Variants in ZNF497 observed in about 807,000 individuals in gnomAD.
ZNF497 encodes zinc finger-like protein.
For synonymous variants in ZNF497, 422 were observed against 313.7 expected (o/e 1.35, Z -3.65); for missense variants, 930 against 714.0 (o/e 1.30, Z -3.45).
At position 58,356,824 on chromosome 19, in the gene ZNF497, G is replaced by T; in HGVS notation, c.812C>A (p.Ala271Glu). Residue 271 changes from alanine (A) to glutamate (E), a missense_variant, in exon 3 of 3, where the codon GCA becomes GAA. By Grantham distance (107) the Ala-to-Glu change is moderately radical (BLOSUM62 -1). Coordinates refer to ENST00000311044, the MANE Select transcript of ZNF497 (RefSeq NM_198458.3). ...LAEHLKIHAGARPHACPDCGK... is the reference protein window; with the variant it reads ...LAEHLKIHAGERPHACPDCGK... ...GCAGTCGGGACAGGCGTGTGGCCGT[G>T]CGCCCGCGTGGATCTTCAGGTGCTC... 1 of 1,563,948 alleles carries T rather than the reference G, an allele frequency of 6.4e-7. No individual in the cohort carries two copies. Among genetic ancestry groups the T allele is most frequent in the Non-Finnish European group, 8.6e-7 (1 of 1,161,962 alleles).
chr19:58,357,391 T>C lies in ZNF497; in HGVS notation c.245A>G (p.Asp82Gly). The change falls in exon 3 of 3, where the codon GAC (aspartate) becomes GGC (glycine). Residue 82 changes from aspartate (D) to glycine (G), a missense_variant. Asp to Gly is a moderately conservative substitution (Grantham distance 94). Coordinates refer to ENST00000311044, the MANE Select transcript of ZNF497 (RefSeq NM_198458.3). ...RELGPADGGR[D>G]GAGPRSEPAD... ...AGGCTCGCTCCTGGGCCCAGCCCCGTCCCGCCCACCGTCTGCGGGGCCCAG... is the reference window on the plus strand; with the variant it reads ...AGGCTCGCTCCTGGGCCCAGCCCCGCCCCGCCCACCGTCTGCGGGGCCCAG... The C allele has an allele frequency of 1.3e-6, 2 of 1,595,144 alleles. No individual in the cohort carries two copies. Among genetic ancestry groups the C allele is most frequent in the Non-Finnish European group, 8.5e-7 (1 of 1,172,230 alleles).
rs2052012223 is a variant in ZNF497 at position 58,355,997 on chromosome 19, C to T, written c.*142G>A. On this transcript the variant is annotated 3_prime_UTR_variant, in exon 3 of 3. Coordinates refer to ENST00000311044, the MANE Select transcript of ZNF497 (RefSeq NM_198458.3). ...GGGACTGTGCAGCCAGGGTTCTCCA[C>T]ACCCAAGGCCGCCCCTGCACTCCCA... 1.0e-5 allele frequency: 10 copies of T among 973,626 alleles called. No homozygotes were observed. The highest frequency in any genetic ancestry group is 3.0e-5 in the Admixed American group (1 of 33,166). The allele number at this position is 973,626 out of a possible 1,614,324, so 60.3% of individuals were successfully genotyped here.
intron 1 of ZNF497, 131 bp downstream of exon 1, chr19:58,362,546 G>C (rs2052105555): frequency 6.6e-6 from 1 of 152,140 alleles, no homozygotes; most frequent in South Asian, 2.1e-4. Flanking sequence ...GGACGGCGCG[G>C]AGGCCTATCT....
rs1178544246 is a variant in ZNF497, at chr19:58,356,434, A to G, written c.1202T>C (p.Leu401Pro). ...CGKAFRGSSGLAHHRLSHTGE... is the reference protein window; with the variant it reads ...CGKAFRGSSGPAHHRLSHTGE... ...CGTGTGCGAAAGCCGGTGGTGCGCC[A>G]GGCCGGAACTGCCGCGGAAGGCCTT... The change falls in exon 3 of 3, where the codon CTG (leucine) becomes CCG (proline). Residue 401 changes from leucine (L) to proline (P), a missense_variant. By Grantham distance (98) the Leu-to-Pro change is moderately conservative (BLOSUM62 -3). Transcript: ENST00000311044. 5 of 1,561,270 alleles carry G rather than the reference A, an allele frequency of 3.2e-6. No homozygotes were observed. The African/African-American group carries it at 6.8e-5, about 21-fold the overall frequency.
chr19:58,355,954 C>A lies in ZNF497; in HGVS notation c.*185G>T. On this transcript the variant is annotated 3_prime_UTR_variant, in exon 3 of 3. Transcript: ENST00000311044. ...ATGTCCCCAGACAGGCCTGGGTGGC[C>A]GGTGGACTATCGTCAAAGGGACTGT... 1 of 652,838 alleles carries A rather than the reference C, an allele frequency of 1.5e-6. No homozygotes were observed. The allele number at this position is 652,838 out of a possible 1,614,324, so 40.4% of individuals were successfully genotyped here.
chr19:58,359,764 C>G (rs6510138), intron 1 of ZNF497, among the ~76,000 whole-genome samples: 65,843 of 151,900 alleles, frequency 0.43, 16,375 homozygotes, highest in East Asian at 0.73. Context: ...ACGAGGTCAG[C>G]AATTCCAAGA....
At position 58,356,069 on chromosome 19, in the gene ZNF497, G is replaced by A. The variant is rs2052013028; in HGVS notation, c.*70C>T. On this transcript the variant is annotated 3_prime_UTR_variant, in exon 3 of 3. Coordinates refer to ENST00000311044, the MANE Select transcript of ZNF497 (RefSeq NM_198458.3). ...CGGCCCGAAAAAGTCTGGGCCAGCA[G>A]ACAGCGCACTCACGCCCGAGACCCC... 5 of 1,445,086 alleles carry A rather than the reference G, an allele frequency of 3.5e-6. No individual in the cohort carries two copies. The East Asian group carries it at 7.3e-5, about 21-fold the overall frequency. 89.5% of individuals were successfully genotyped at this position (1,445,086 alleles called of 1,614,324 possible).
rs1452448353 is a variant in ZNF497, at chr19:58,357,048, G to C, written c.588C>G (p.Gly196=). The C allele has an allele frequency of 6.2e-7, 1 of 1,610,622 alleles. No individual in the cohort carries two copies. The highest frequency in any genetic ancestry group is 8.5e-7 in the Non-Finnish European group (1 of 1,179,000). The part of the protein sequence containing the change: ...GLKPFRCPDC[G]KSFGRSTTLV... ...GCGTGGTGCTTCGGCCGAAGGACTT[G>C]CCGCAGTCCGGGCAGCGGAAGGGCT... The change falls in exon 3 of 3, where the codon GGC becomes GGG. Residue 196 remains glycine, a synonymous_variant. Transcript: ENST00000311044.
chr19:58,356,501 T>A lies in ZNF497; in HGVS notation c.1135A>T (p.Thr379Ser). ...QRSNLLSHRR[T>S]HSGAKPFACA... is the part of the protein sequence containing the mutation. ...GCGAAGGGCTTGGCGCCCGAGTGCG[T>A]GCGCCGGTGGCTCAGTAGGTTGGAG... The change falls in exon 3 of 3, where the codon ACG (threonine) becomes TCG (serine). Residue 379 changes from threonine (T) to serine (S), a missense_variant. Physicochemically the swap from Thr to Ser is moderately conservative, Grantham distance 58. Coordinates refer to ENST00000311044, the MANE Select transcript of ZNF497 (RefSeq NM_198458.3). The A allele has an allele frequency of 6.5e-7, 1 of 1,548,262 alleles. No individual in the cohort carries two copies. Among genetic ancestry groups the A allele is most frequent in the Non-Finnish European group, 8.7e-7 (1 of 1,152,754 alleles).
intron 2 of ZNF497, 58 bp from the exon 3 acceptor site, chr19:58,357,707 G>C (rs2052044783): frequency 6.9e-7 from 1 of 1,446,966 alleles, no homozygotes; most frequent in Non-Finnish European, 9.1e-7. Context: ...CCAGACAGAG[G>C]GCCTGAGGGG....
In ZNF497 at chr19:58,357,225, G is replaced by C; in HGVS notation, c.411C>G (p.Pro137=). 9 of 1,611,926 alleles carry C rather than the reference G, an allele frequency of 5.6e-6. No individual in the cohort carries two copies. Among genetic ancestry groups the C allele is most frequent in the Non-Finnish European group, 7.6e-6 (9 of 1,179,424 alleles). The change falls in exon 3 of 3, where the codon CCC becomes CCG. Residue 137 remains proline (P), a synonymous_variant. Coordinates refer to ENST00000311044, the MANE Select transcript of ZNF497 (RefSeq NM_198458.3). ...TCCAGGCGAAGGCCTTGCCGCACTC[G>C]GGGCACGTGTACGGCTTCTCGCCTG... is the stretch of plus-strand genomic sequence containing the variant. The part of the protein sequence containing the change: ...VHTGEKPYTC[P]ECGKAFAWSS...
rs1357481071 is a variant in ZNF497 at position 58,357,090 on chromosome 19, C to T, written c.546G>A (p.Glu182=). 2.5e-6 allele frequency: 4 copies of T among 1,608,178 alleles called. No homozygotes were observed. The highest frequency in any genetic ancestry group is 3.3e-5 in the Admixed American group (2 of 59,776). Reference sequence around the variant, plus strand: ...GGAAGGGCTTCAGGCCGCTGTGTGTCTCCTGGTGGTGGATGAGCTGCGAGT... The same window carrying T: ...GGAAGGGCTTCAGGCCGCTGTGTGTTTCCTGGTGGTGGATGAGCTGCGAGT... ...RAHSQLIHHQ[E]THSGLKPFRC... is the part of the protein sequence containing the mutation. Residue 182 remains glutamate, a synonymous_variant, in exon 3 of 3, where the codon GAG becomes GAA. Coordinates refer to ENST00000311044, the MANE Select transcript of ZNF497 (RefSeq NM_198458.3).
rs1300568986 is a variant in ZNF497, at chr19:58,356,798, C to T, written c.838G>A (p.Gly280Ser). The T allele has an allele frequency of 1.3e-6, 2 of 1,579,180 alleles. No individual in the cohort carries two copies. The highest frequency in any genetic ancestry group is 8.6e-7 in the Non-Finnish European group (1 of 1,168,538). Residue 280 changes from glycine (G) to serine (S), a missense_variant, in exon 3 of 3, where the codon GGC becomes AGC. By Grantham distance (56) the Gly-to-Ser change is moderately conservative. Transcript: ENST00000311044. The stretch of plus-strand genomic sequence containing the variant: ...CCCGCCACACGCACGAAGGCCTTGC[C>T]GCAGTCGGGACAGGCGTGTGGCCGT... ...GARPHACPDC[G>S]KAFVRVAGLR... is the part of the protein sequence containing the mutation.
intron 1 of ZNF497, among the ~76,000 whole-genome samples, chr19:58,361,766 T>C (rs1486569791): frequency 1.3e-5 from 2 of 152,194 alleles, no homozygotes; most frequent in African/African-American, 4.8e-5. Flanking sequence ...AAAAGTTAAA[T>C]TTTAAAAAAA....
intron 1 of ZNF497, among the ~76,000 whole-genome samples, chr19:58,361,541 C>G (rs376697378): frequency 6.6e-6 from 1 of 151,980 alleles, no homozygotes; most frequent in East Asian, 2.0e-4. Flanking sequence ...GTTTTCAGTA[C>G]AGATGGGGTT....
chr19:58,359,711 C>A (rs530476676), intron 1 of ZNF497: 1 of 304,030 alleles, frequency 3.3e-6, no homozygotes, highest in Non-Finnish European at 6.5e-6. Flanking sequence ...CGGTGGCTGA[C>A]GGCTGTAGTC....
Position 58,357,441 on chromosome 19 carries a change from G to A in ZNF497, c.195C>T (p.Asp65=), listed in dbSNP as rs752982871. The change falls in exon 3 of 3, where the codon GAC becomes GAT. Residue 65 remains aspartate, a synonymous_variant. Coordinates refer to ENST00000311044, the MANE Select transcript of ZNF497 (RefSeq NM_198458.3). ...GCTCCCTGCCGGGGCCTCCCTGTTCGTCCGCCGCCCCCAGTGTGGCTTGCT... is the reference window on the plus strand; with the variant it reads ...GCTCCCTGCCGGGGCCTCCCTGTTCATCCGCCGCCCCCAGTGTGGCTTGCT... ...QRQQATLGAA[D]EQGGPGRELG... is the part of the protein sequence containing the mutation. 6.2e-7 allele frequency: 1 copy of A among 1,600,152 alleles called. No homozygotes were observed. Among genetic ancestry groups the A allele is most frequent in the Non-Finnish European group, 8.5e-7 (1 of 1,173,290 alleles).
intron 1 of ZNF497, among the ~76,000 whole-genome samples, chr19:58,361,973 A>T (rs1160933525): frequency 6.6e-6 from 1 of 152,110 alleles, no homozygotes; most frequent in Non-Finnish European, 1.5e-5. Context: ...GTGGGATAGC[A>T]TGTGAGCCCC....
At position 58,356,409 on chromosome 19, in the gene ZNF497, C is replaced by A. The variant is rs1367915595; in HGVS notation, c.1227G>T (p.Thr409=). The A allele has an allele frequency of 2.6e-6, 4 of 1,565,240 alleles. No homozygotes were observed. Among genetic ancestry groups the A allele is most frequent in the Non-Finnish European group, 2.6e-6 (3 of 1,160,282 alleles). The change falls in exon 3 of 3, where the codon ACG becomes ACT. Residue 409 remains threonine (T), a synonymous_variant. Coordinates refer to ENST00000311044, the MANE Select transcript of ZNF497 (RefSeq NM_198458.3). ...SGLAHHRLSH[T]GERPFACAEC... ...CTGCGCAGGCGAAGGGTCGCTCTCC[C>A]GTGTGCGAAAGCCGGTGGTGCGCCA...
Sources: gnomAD v4.1 joint callset for allele counts (sites outside exome capture counted in the v4.1 genomes callset) on GRCh38, gnomAD v4.1.1 for gene constraint, MANE v1.5 for transcripts, NCBI Gene and HGNC (gene_info 2026-07-23, HGNC 2026-07-21) for gene names.